COL6A5: variants seen among roughly 807,000 people sequenced by gnomAD.
COL6A5 encodes the protein collagen alpha-5(VI) chain.
In COL6A5, 48 loss-of-function variants were observed where a neutral mutation model predicts 65.6. That is an observed-to-expected ratio of 0.73 (90% CI 0.58 to 0.93). The LOEUF (loss-of-function observed/expected upper bound fraction) is 0.93. Ranked by LOEUF, COL6A5 falls within the 40% of genes least tolerant of loss-of-function variation. COL6A5 has a pLI of 0.00. For synonymous variants in COL6A5, 291 were observed against 322.8 expected (o/e 0.90, Z 1.05); for missense variants, 914 against 928.3 (o/e 0.98, Z 0.20).
intron 5 of COL6A5, among the ~76,000 whole-genome samples, chr3:130,465,267 G>A (rs751709761): frequency 6.6e-6 from 1 of 152,068 alleles, no homozygotes; most frequent in Non-Finnish European, 1.5e-5. Flanking sequence ...GGATACCAGA[G>A]AGGGATAACT....
intron 5 of COL6A5, among the ~76,000 whole-genome samples, chr3:130,386,960 G>A (rs1255099561): frequency 6.6e-6 from 1 of 151,852 alleles, no homozygotes; most frequent in Non-Finnish European, 1.5e-5. Flanking sequence ...AGGTTAAGCT[G>A]CAATAGCAAA....
intron 7 of COL6A5, among the ~76,000 whole-genome samples, chr3:130,392,785 A>G (rs938408977): frequency 2.6e-5 from 4 of 152,192 alleles, no homozygotes; most frequent in Admixed American, 2.6e-4. Flanking sequence ...GCTAAATAAA[A>G]CTATGCCTGA....
At chr3:130,380,017 A>G (rs1427372008) in exon 4 of COL6A5, 19 of 1,547,408 alleles carry the variant, frequency 1.2e-5, no homozygotes, top group Non-Finnish European at 1.5e-5. Context: ...CCAAATTTCT[A>G]CTTATGCTGA....
intron 3 of COL6A5, among the ~76,000 whole-genome samples, chr3:130,441,768 A>G (rs1005367992): frequency 4.6e-5 from 7 of 152,188 alleles, no homozygotes; most frequent in Non-Finnish European, 7.4e-5. Flanking sequence ...TAAACATCCT[A>G]CAATTCACAG....
At chr3:130,403,884 T>C (rs1347281414) in intron 13 of COL6A5, among the ~76,000 whole-genome samples, 1 of 152,234 alleles carries the variant, frequency 6.6e-6, no homozygotes, top group Non-Finnish European at 1.5e-5. Flanking sequence ...GGGTTGCCTT[T>C]CTTTTCACTT....
chr3:130,447,470 G>C (rs1709335477), intron 4 of COL6A5, among the ~76,000 whole-genome samples: 1 of 152,144 alleles, frequency 6.6e-6, no homozygotes, highest in Admixed American at 6.6e-5. Context: ...ACATGAGTGA[G>C]ATTATGGAAC....
In COL6A5 at chr3:130,410,457, T is replaced by A. The variant is rs1232903788; in HGVS notation, c.4609-14T>A. On this transcript the variant is annotated splice_polypyrimidine_tract_variant and intron_variant and NMD_transcript_variant, in intron 19 of 41. Transcript: ENST00000312481. ...TTTTTCCTTTTGATCTTGAGGAAAT[T>A]ATTATATTTTTAGGGTAGAAGTGGA... is the stretch of plus-strand genomic sequence containing the variant. The A allele has an allele frequency of 1.9e-6, 3 of 1,545,780 alleles. No individual in the cohort carries two copies. The highest frequency in any genetic ancestry group is 1.4e-5 in the African/African-American group (1 of 72,824).
intron 3 of COL6A5, among the ~76,000 whole-genome samples, 155 bp from the exon 4 acceptor site, chr3:130,379,263 A>G (rs1193206018): frequency 6.6e-6 from 1 of 152,070 alleles, no homozygotes; most frequent in Non-Finnish European, 1.5e-5. Flanking sequence ...TCTTGTTTAG[A>G]ATTTTGATTT....
At chr3:130,367,746 A>T (rs1015421739) in intron 1 of COL6A5, among the ~76,000 whole-genome samples, 1 of 152,246 alleles carries the variant, frequency 6.6e-6, no homozygotes, top group Non-Finnish European at 1.5e-5. Flanking sequence ...GTGTGGATAT[A>T]TATATAAATT....
intron 8 of COL6A5, 117 bp downstream of exon 8, chr3:130,395,582 A>G: frequency 2.5e-6 from 2 of 799,524 alleles, no homozygotes; most frequent in African/African-American, 3.5e-5. Flanking sequence ...TTTAGTGAGA[A>G]TATCTCACTT....
chr3:130,413,789 C>T (rs1937255236), intron 21 of COL6A5, among the ~76,000 whole-genome samples: 1 of 150,014 alleles, frequency 6.7e-6, no homozygotes, highest in Non-Finnish European at 1.5e-5. Context: ...AGATACCTGG[C>T]AGACAGGCAG....
intron 4 of COL6A5, among the ~76,000 whole-genome samples, chr3:130,449,694 A>G (rs1709384052): frequency 6.6e-6 from 1 of 152,124 alleles, no homozygotes; most frequent in Non-Finnish European, 1.5e-5. Flanking sequence ...TTAATCCAAT[A>G]AGCGGCCTTT....
At chr3:130,379,695 G>C in exon 4 of COL6A5, 1 of 1,551,326 alleles carries the variant, frequency 6.4e-7, no homozygotes, top group East Asian at 2.4e-5. Context: ...CCAATACAGG[G>C]GCTGCCATTG....
intron 1 of COL6A5, among the ~76,000 whole-genome samples, chr3:130,370,602 C>G (rs1016094737): frequency 2.6e-5 from 4 of 152,006 alleles, no homozygotes; most frequent in African/African-American, 9.7e-5. Context: ...ATTTCAGAAG[C>G]ATGAACAATA....
rs183959244 is a variant in COL6A5, at chr3:130,415,244, C to T, written c.4762-401C>T. Among the ~76,000 whole-genome samples the T allele has an allele frequency of 2.6e-3, 402 of 152,218 alleles. 7 individuals are homozygous for T. The highest frequency in any genetic ancestry group is 0.02 in the Admixed American group (309 of 15,300). On this transcript the variant is annotated intron_variant and NMD_transcript_variant, in intron 22 of 41. Coordinates refer to the COL6A5 transcript ENST00000312481. ...TTCTGATAGAGGTCTGCTGCTAAGA[C>T]GCCCTTTTGTGCTAACTTGAAACAA...
chr3:130,361,877 C>T (rs922887987), intron 1 of COL6A5, among the ~76,000 whole-genome samples: 18 of 152,092 alleles, frequency 1.2e-4, no homozygotes, highest in Admixed American at 2.6e-4. Context: ...ATGTCTTCTT[C>T]GATGAGAAGT....
At chr3:130,391,954 T>G (rs1324684873) in intron 7 of COL6A5, among the ~76,000 whole-genome samples, 200 bp downstream of exon 7, 1 of 152,186 alleles carries the variant, frequency 6.6e-6, no homozygotes, top group Non-Finnish European at 1.5e-5. Context: ...CAGCATGCAC[T>G]GAAGAGATTA....
At chr3:130,405,756 C>T (rs1936966227) in intron 14 of COL6A5, 97 bp downstream of exon 14, 25 of 1,049,436 alleles carry the variant, frequency 2.4e-5, no homozygotes, top group Non-Finnish European at 3.3e-5. Context: ...TCTTCCATCA[C>T]TCCTCTCTCT....
chr3:130,379,280 C>T, intron 3 of COL6A5, 138 bp from the exon 4 acceptor site: 1 of 817,178 alleles, frequency 1.2e-6, no homozygotes, highest in South Asian at 2.0e-5. Flanking sequence ...ATTTTTTGTT[C>T]ACTAAAAGAA....
Sources: gnomAD v4.1 joint callset for allele counts (sites outside exome capture counted in the v4.1 genomes callset) on GRCh38, gnomAD v4.1.1 for gene constraint, MANE v1.5 for transcripts, NCBI Gene and HGNC (gene_info 2026-07-23, HGNC 2026-07-21) for gene names.